Variants in GOLGA4 observed in about 807,000 individuals in gnomAD.
GOLGA4 encodes the protein golgin subfamily A member 4.
GOLGA4 carries 169 observed loss-of-function variants against 265.9 expected under a neutral mutation model. The ratio of observed to expected loss-of-function variants is 0.64; its 90% confidence interval spans 0.56 to 0.72. The LOEUF is 0.72. GOLGA4 is among the 30% of genes least tolerant of loss of function. GOLGA4 has a pLI of 0.00. For synonymous variants in GOLGA4, 923 were observed against 855.8 expected (o/e 1.08, Z -1.37); for missense variants, 2,482 against 2,483.4 (o/e 1.00, Z 0.01).
chr3:37,259,739 T>C (rs2096764171), intron 2 of GOLGA4, among the ~76,000 whole-genome samples: 1 of 152,210 alleles, frequency 6.6e-6, no homozygotes, highest in South Asian at 2.1e-4. Flanking sequence ...AAAACCTCCT[T>C]GAATCTAAAT....
At chr3:37,292,523 T>TA (rs1377509493) in intron 5 of GOLGA4, among the ~76,000 whole-genome samples, 1 of 151,846 alleles carries the variant, frequency 6.6e-6, no homozygotes, top group African/African-American at 2.4e-5. Flanking sequence ...CCGTCTCTAG[T>TA]AAAAATACAA....
chr3:37,293,208 C>A (rs2096869481), intron 5 of GOLGA4, among the ~76,000 whole-genome samples: 1 of 152,212 alleles, frequency 6.6e-6, no homozygotes, highest in African/African-American at 2.4e-5. Context: ...CTTGTCTAAC[C>A]TGCAGCCCGT....
intron 1 of GOLGA4, among the ~76,000 whole-genome samples, chr3:37,248,556 A>G (rs971297506): frequency 1.3e-5 from 2 of 152,172 alleles, no homozygotes; most frequent in Middle Eastern, 3.2e-3. Flanking sequence ...ATGCACTGTT[A>G]TATACTTTAT....
In GOLGA4 at chr3:37,302,403, T is replaced by A. The variant is rs1370224298; in HGVS notation, c.1234+71T>A. ...ATTTAAAGTGCTTGACCAGTATTTT[T>A]AAAAATGAGTTAAATATTGATAAAA... On this transcript the variant is annotated intron_variant, in intron 10 of 23. Transcript: ENST00000361924. 22 of 1,299,694 alleles carry A rather than the reference T, an allele frequency of 1.7e-5. No individual in the cohort carries two copies. The Admixed American group carries it at 3.7e-4, about 22-fold the overall frequency. The allele number at this position is 1,299,694 out of a possible 1,614,324, so 80.5% of individuals were successfully genotyped here.
intron 20 of GOLGA4, among the ~76,000 whole-genome samples, chr3:37,346,935 A>G (rs1026096098): frequency 7.2e-5 from 11 of 152,228 alleles, no homozygotes; most frequent in Non-Finnish European, 1.6e-4. Flanking sequence ...GTACAATTAC[A>G]ATAAAAGGCC....
intron 19 of GOLGA4, 68 bp downstream of exon 19, chr3:37,337,802 A>C: frequency 9.9e-7 from 1 of 1,012,936 alleles, no homozygotes; most frequent in Non-Finnish European, 1.6e-6. Flanking sequence ...GATCTCAGCT[A>C]CTTTTTAAAT....
In GOLGA4 at chr3:37,359,789, T is replaced by G. The variant is rs773824340; in HGVS notation, c.6664-1454T>G. On this transcript the variant is annotated intron_variant, in intron 22 of 23. Transcript: ENST00000361924. ...ATTGCTAGGTACAAAAGTTTTCCAT[T>G]CCCACACGAGGTTTACCCTTTCCCT... Among the ~76,000 whole-genome samples the G allele has an allele frequency of 4.1e-4, 62 of 152,194 alleles. 1 individual carries two copies. Among genetic ancestry groups the G allele is most frequent in the Non-Finnish European group, 6.6e-4 (45 of 68,032 alleles).
chr3:37,249,422 CT>C (rs577150558), intron 1 of GOLGA4, among the ~76,000 whole-genome samples: 6 of 148,650 alleles, frequency 4.0e-5, no homozygotes, highest in Admixed American at 6.7e-5. Context: ...TGTTTATATG[CT>C]TTTTTTTTTG....
rs754033529 is a variant in GOLGA4, at chr3:37,251,459, T to C, written c.137T>C (p.Leu46Pro). 49 of 1,609,276 alleles carry C rather than the reference T, an allele frequency of 3.0e-5. No individual in the cohort carries two copies. The highest frequency in any genetic ancestry group is 5.5e-5 in the South Asian group (5 of 91,012). ...AGGACATCTTCATTTACAGAGCAAC[T>C]TGATGAAGGTACACCCAATAGAGAG... ...RSRTSSFTEQLDEGTPNRESG... is the reference protein window; with the variant it reads ...RSRTSSFTEQPDEGTPNRESG... Residue 46 changes from leucine (L) to proline (P), a missense_variant, in exon 2 of 24, where the codon CTT (leucine) becomes CCT (proline). By Grantham distance (98) the Leu-to-Pro change is moderately conservative (BLOSUM62 -3). Coordinates refer to ENST00000361924, the MANE Select transcript of GOLGA4 (RefSeq NM_002078.5).
chr3:37,329,203 T>C (rs938245484), intron 16 of GOLGA4, 110 bp downstream of exon 16: 1 of 814,204 alleles, frequency 1.2e-6, no homozygotes, highest in African/African-American at 1.7e-5. Context: ...AAAGGGTTTT[T>C]TTTTTTGACT....
intron 2 of GOLGA4, among the ~76,000 whole-genome samples, chr3:37,253,726 G>A (rs2096740269): frequency 7.9e-5 from 12 of 151,720 alleles, no homozygotes; most frequent in Admixed American, 7.9e-4. Context: ...TTTTAAAAAA[G>A]CAATGGTAGC....
chr3:37,311,419 T>C (rs888786632), intron 10 of GOLGA4, among the ~76,000 whole-genome samples: 2 of 152,196 alleles, frequency 1.3e-5, no homozygotes, highest in African/African-American at 4.8e-5. Flanking sequence ...CCATTAGTAA[T>C]TGATTGGCTC....
At chr3:37,311,034 AG>A (rs901543984) in intron 10 of GOLGA4, among the ~76,000 whole-genome samples, 3 of 152,162 alleles carry the variant, frequency 2.0e-5, no homozygotes, top group African/African-American at 4.8e-5. Flanking sequence ...CACTTTGGAA[AG>A]GGTAGGGAAT....
At position 37,298,926 on chromosome 3, in the gene GOLGA4, A is replaced by G. The variant is rs2096885604; in HGVS notation, c.908A>G (p.Gln303Arg). 6.2e-7 allele frequency: 1 copy of G among 1,612,962 alleles called. No homozygotes were observed. The highest frequency in any genetic ancestry group is 1.3e-5 in the African/African-American group (1 of 74,922). The change falls in exon 8 of 24, where the codon CAG (glutamine) becomes CGG (arginine). Residue 303 changes from glutamine to arginine, a missense_variant. By Grantham distance (43) the Gln-to-Arg change is conservative. Around this residue, in one of 3 missense-constraint regions of GOLGA4, gnomAD observed 1,536 missense variants for 1,483.7 expected, o/e 1.04. Transcript: ENST00000361924. Reference sequence around the variant, plus strand: ...CTTAAGCGTTGTAAGGAAACAATTCAGTCACATAAGGAACAATGTACACTA... The same window carrying G: ...CTTAAGCGTTGTAAGGAAACAATTCGGTCACATAAGGAACAATGTACACTA... The part of the protein sequence containing the change: ...NLLKRCKETI[Q>R]SHKEQCTLLT...
chr3:37,246,810 T>C (rs980242251), intron 1 of GOLGA4, among the ~76,000 whole-genome samples: 3 of 152,190 alleles, frequency 2.0e-5, no homozygotes, highest in African/African-American at 7.2e-5. Flanking sequence ...ACGCCCCTCC[T>C]TATGCCTGCA....
At chr3:37,330,252 G>A (rs187309420) in intron 16 of GOLGA4, among the ~76,000 whole-genome samples, 25 of 151,770 alleles carry the variant, frequency 1.6e-4, no homozygotes, top group Admixed American at 1.1e-3. Context: ...GTGTAGTTAA[G>A]TAATTTCCCT....
At chr3:37,356,573 A>G (rs1047479251) in intron 22 of GOLGA4, among the ~76,000 whole-genome samples, 1 of 152,186 alleles carries the variant, frequency 6.6e-6, no homozygotes, top group Non-Finnish European at 1.5e-5. Flanking sequence ...ATATGTCACT[A>G]TAATGTATAC....
At chr3:37,291,116 T>G (rs2096863432) in intron 5 of GOLGA4, among the ~76,000 whole-genome samples, 1 of 152,136 alleles carries the variant, frequency 6.6e-6, no homozygotes, top group Non-Finnish European at 1.5e-5. Flanking sequence ...ATGTTTAAAA[T>G]TCAGAGAGTG....
At chr3:37,296,711 C>T (rs1473645587) in intron 7 of GOLGA4, among the ~76,000 whole-genome samples, 1 of 152,104 alleles carries the variant, frequency 6.6e-6, no homozygotes, top group Non-Finnish European at 1.5e-5. Context: ...GCTGGGATTA[C>T]AGGCACACAC....
Sources: gnomAD v4.1 joint callset for allele counts (sites outside exome capture counted in the v4.1 genomes callset) on GRCh38, gnomAD v4.1.1 for gene constraint, gnomAD v4.1.1 regional missense constraint, MANE v1.5 for transcripts, NCBI Gene and HGNC (gene_info 2026-07-23, HGNC 2026-07-21) for gene names.